The following DLGAP2 variants were observed in gnomAD, a reference collection of about 807,000 sequenced individuals.
DLGAP2 encodes the protein disks large-associated protein 2.
A neutral mutation model predicts 100.3 loss-of-function variants in DLGAP2; 26 were observed. That is an observed-to-expected ratio of 0.26 (90% confidence interval 0.19 to 0.36). The LOEUF (loss-of-function observed/expected upper bound fraction) is 0.36, where lower values mean the gene tolerates loss of function less well. DLGAP2 is among the 10% of genes least tolerant of loss of function. The probability of loss-of-function intolerance (pLI) is 1.00; values close to 1 mark genes in which losing one functional copy is unlikely to be tolerated. For synonymous variants in DLGAP2, 886 were observed against 630.1 expected, an observed-to-expected ratio of 1.41 and a Z score of -6.08; for missense variants, 1,858 against 1,453.2, an observed-to-expected ratio of 1.28 and a Z score of -4.53.
chr8:1,130,473 G>C (rs1796267178), intron 2 of DLGAP2, among the ~76,000 whole-genome samples: 3 of 152,212 alleles, frequency 2.0e-5, no homozygotes, highest in Non-Finnish European at 2.9e-5. Flanking sequence ...GTACGCTTGA[G>C]ATAAGCCAGG....
Position 942,774 on chromosome 8 carries a change from C to T in DLGAP2, c.73+34808C>T, listed in dbSNP as rs192711822. 2.5e-3 allele frequency among the ~76,000 whole-genome samples: 387 copies of T among 152,312 alleles called. 1 individual carries two copies. Among genetic ancestry groups the T allele is most frequent in the African/African-American group, 9.0e-3 (374 of 41,556 alleles). On this transcript the variant is annotated intron_variant, in intron 2 of 14. Coordinates refer to ENST00000637795, the MANE Select transcript of DLGAP2 (RefSeq NM_001346810.2). ...GTGATTTGCTAGGATTCACAGGGCTCAGCATGAGGTTTTACTCACAGGTAG... is the reference window on the plus strand; with the variant it reads ...GTGATTTGCTAGGATTCACAGGGCTTAGCATGAGGTTTTACTCACAGGTAG...
At chr8:854,103 C>T (rs904329821) in intron 1 of DLGAP2, among the ~76,000 whole-genome samples, 5 of 152,168 alleles carry the variant, frequency 3.3e-5, no homozygotes, top group Non-Finnish European at 7.3e-5. Context: ...CCTCCAGAAC[C>T]GTGGGAGATG....
At chr8:1,081,450 C>T (rs546425597) in intron 2 of DLGAP2, among the ~76,000 whole-genome samples, 1 of 152,330 alleles carries the variant, frequency 6.6e-6, no homozygotes, top group African/African-American at 2.4e-5. Flanking sequence ...CTCCCAGGTT[C>T]AAGCGATTCT....
chr8:869,919 C>G (rs903798669), intron 1 of DLGAP2, among the ~76,000 whole-genome samples: 2 of 151,410 alleles, frequency 1.3e-5, no homozygotes, highest in Admixed American at 6.6e-5. Flanking sequence ...GAGGACTAAT[C>G]AGGGAGTACA....
chr8:1,583,252 A>G (rs577924091), intron 6 of DLGAP2, among the ~76,000 whole-genome samples: 1 of 152,168 alleles, frequency 6.6e-6, no homozygotes, highest in Non-Finnish European at 1.5e-5. Context: ...CCCATCTGCC[A>G]TGGGTTGGGT....
chr8:898,643 T>C (rs1798192347), intron 1 of DLGAP2, among the ~76,000 whole-genome samples: 3 of 148,242 alleles, frequency 2.0e-5, no homozygotes, highest in Admixed American at 6.6e-5. Context: ...CTGCAGCTCA[T>C]TGCTGGGTCC....
At chr8:1,522,155 G>T (rs1800626837) in intron 4 of DLGAP2, among the ~76,000 whole-genome samples, 1 of 152,196 alleles carries the variant, frequency 6.6e-6, no homozygotes, top group Non-Finnish European at 1.5e-5. Flanking sequence ...GAGCATCTTT[G>T]GTTTCCACGC....
intron 3 of DLGAP2, among the ~76,000 whole-genome samples, chr8:1,314,048 A>T (rs1268023264): frequency 1.3e-5 from 2 of 152,256 alleles, no homozygotes; most frequent in Admixed American, 1.3e-4. Flanking sequence ...TCGTAGCAAC[A>T]CACGCTTTTC....
At chr8:900,684 A>T (rs1013239732) in intron 1 of DLGAP2, among the ~76,000 whole-genome samples, 1 of 152,164 alleles carries the variant, frequency 6.6e-6, no homozygotes, top group Non-Finnish European at 1.5e-5. Flanking sequence ...ATCCATCACC[A>T]GGAGGCGGCT....
intron 2 of DLGAP2, among the ~76,000 whole-genome samples, chr8:1,225,648 G>C (rs1365713082): frequency 6.6e-6 from 1 of 152,066 alleles, no homozygotes; most frequent in Non-Finnish European, 1.5e-5. Flanking sequence ...CAATAAATTT[G>C]GTATCTTAGG....
At position 1,521,226 on chromosome 8, in the gene DLGAP2, G is replaced by A. The variant is rs1584981176; in HGVS notation, c.172+19795G>A. 4.3e-5 allele frequency among the ~76,000 whole-genome samples: 4 copies of A among 93,648 alleles called. 2 individuals carry two copies. Among genetic ancestry groups the A allele is most frequent in the African/African-American group, 1.4e-4 (4 of 28,080 alleles). 61.4% of individuals were successfully genotyped at this position (93,648 alleles called of 152,430 possible). A position where few individuals can be genotyped will look rare whatever the true frequency, so the allele number is the denominator to read the frequency against. ...AATACTCGGGGGCAGGTGATATGGG[G>A]CATCTCTGGTTTGCACACTTGTTTT... is the stretch of plus-strand genomic sequence containing the variant. On this transcript the variant is annotated intron_variant, in intron 4 of 14. Coordinates refer to ENST00000637795, the MANE Select transcript of DLGAP2 (RefSeq NM_001346810.2).
At chr8:1,363,992 C>A (rs766654663) in intron 3 of DLGAP2, among the ~76,000 whole-genome samples, 3 of 152,212 alleles carry the variant, frequency 2.0e-5, no homozygotes, top group African/African-American at 7.2e-5. Flanking sequence ...GCCCCTCATC[C>A]TCTGTCAGGT....
intron 1 of DLGAP2, among the ~76,000 whole-genome samples, chr8:802,907 G>T (rs144622382): frequency 6.6e-6 from 1 of 152,274 alleles, no homozygotes; most frequent in East Asian, 1.9e-4. Flanking sequence ...TCCAGGAGGG[G>T]GTGTGATTTT....
intron 2 of DLGAP2, among the ~76,000 whole-genome samples, chr8:1,189,544 T>C (rs1431572857): frequency 6.6e-6 from 1 of 152,186 alleles, no homozygotes; most frequent in Admixed American, 6.5e-5. Flanking sequence ...ATTCACAGCA[T>C]TTGGTTAGGG....
chr8:1,692,837 T>C (rs563855805), intron 13 of DLGAP2, among the ~76,000 whole-genome samples: 6 of 151,052 alleles, frequency 4.0e-5, no homozygotes, highest in East Asian at 1.9e-4. Context: ...AAAAACCACA[T>C]ATATATTTAC....
chr8:1,582,148 T>G (rs1803298162), intron 6 of DLGAP2, among the ~76,000 whole-genome samples: 1 of 121,496 alleles, frequency 8.2e-6, no homozygotes, highest in Non-Finnish European at 1.7e-5. Flanking sequence ...ACCCCACACA[T>G]GTACACACCA....
intron 3 of DLGAP2, among the ~76,000 whole-genome samples, chr8:1,260,783 C>A (rs1193711294): frequency 6.6e-6 from 1 of 152,154 alleles, no homozygotes; most frequent in Non-Finnish European, 1.5e-5. Context: ...CTAGAGGGGA[C>A]CTTGGCTGGC....
chr8:1,181,757 C>G (rs142481122), intron 2 of DLGAP2, among the ~76,000 whole-genome samples: 3 of 152,260 alleles, frequency 2.0e-5, no homozygotes, highest in African/African-American at 7.2e-5. Flanking sequence ...CAGCCCCGTG[C>G]TCCCCAGGCT....
chr8:1,160,781 C>T (rs200959525), intron 2 of DLGAP2, among the ~76,000 whole-genome samples: 23 of 152,192 alleles, frequency 1.5e-4, no homozygotes, highest in African/African-American at 5.1e-4. Context: ...GCGAGGAAGG[C>T]GAGGAAGCCT....
Sources: gnomAD v4.1 joint callset for allele counts (sites outside exome capture counted in the v4.1 genomes callset) on GRCh38, gnomAD v4.1.1 for gene constraint, MANE v1.5 for transcripts, NCBI Gene and HGNC (gene_info 2026-07-23, HGNC 2026-07-21) for gene names.